The following TRERF1 variants were observed in gnomAD, a reference collection of about 807,000 sequenced individuals.
TRERF1 encodes transcriptional regulating factor 1, also known as transcriptional-regulating factor 1.
Under a neutral mutation model 122.9 loss-of-function variants are expected in TRERF1, and 27 were observed. That is an observed-to-expected ratio of 0.22 (90% CI 0.16 to 0.30). TRERF1 has a LOEUF of 0.30. Ranked by LOEUF, TRERF1 falls within the 10% of genes least tolerant of loss-of-function variation. The pLI is 1.00. For synonymous variants in TRERF1, 636 were observed against 641.7 expected (o/e 0.99, Z 0.13); for missense variants, 1,248 against 1,560.3 (o/e 0.80, Z 3.37).
chr6:42,245,926 G>A (rs1327139110), intron 14 of TRERF1, among the ~76,000 whole-genome samples: 1 of 152,124 alleles, frequency 6.6e-6, no homozygotes, highest in Admixed American at 6.5e-5. Flanking sequence ...TGGCCAACAT[G>A]GTAAAGCCCC....
At chr6:42,243,202 G>GA (rs397970844) in intron 15 of TRERF1, 46 bp downstream of exon 15, 47 of 1,527,518 alleles carry the variant, frequency 3.1e-5, no homozygotes, top group East Asian at 2.3e-4. Context: ...TGGGCCTGGG[G>GA]TGGGAGCTGT....
chr6:42,342,776 C>A (rs1367998373), intron 3 of TRERF1, among the ~76,000 whole-genome samples: 1 of 152,196 alleles, frequency 6.6e-6, no homozygotes, highest in Non-Finnish European at 1.5e-5. Flanking sequence ...CTTGAAGTTA[C>A]TAACATGTCT....
intron 2 of TRERF1, among the ~76,000 whole-genome samples, chr6:42,369,885 C>T (rs113924356): frequency 2.6e-5 from 4 of 152,024 alleles, no homozygotes; most frequent in African/African-American, 9.7e-5. Flanking sequence ...CCGTCTCCTC[C>T]TTCTCTAACT....
In TRERF1 at chr6:42,392,366, T is replaced by C. The variant is rs536807260; in HGVS notation, c.-453-29287A>G. On this transcript the variant is annotated intron_variant, in intron 2 of 17. Coordinates refer to ENST00000372922, the Ensembl canonical transcript of TRERF1. ...ATTCTTTATGTGACTGGAGTGATCA[T>C]TAAACAAGAAAATGATCATAAGAGC... Among the ~76,000 whole-genome samples the C allele has an allele frequency of 5.2e-4, 79 of 152,286 alleles. 2 individuals carry two copies. Among genetic ancestry groups the C allele is most frequent in the African/African-American group, 1.3e-3 (56 of 41,546 alleles).
At chr6:42,313,859 A>G (rs550142491) in intron 3 of TRERF1, among the ~76,000 whole-genome samples, 165 of 152,142 alleles carry the variant, frequency 1.1e-3, no homozygotes, top group African/African-American at 3.8e-3. Flanking sequence ...GGTGCTGCAG[A>G]CTCACTTCTA....
At position 42,234,492 on chromosome 6, in the gene TRERF1, C is replaced by G. The variant is rs1467827535; in HGVS notation, c.3067-1600G>C. 2.6e-5 allele frequency among the ~76,000 whole-genome samples: 4 copies of G among 152,206 alleles called. No individual in the cohort carries two copies. In the South Asian group the frequency reaches 8.3e-4, roughly 32 times the overall value. ...AGCTGGGACTACAGGCGCGCACCACCACGCCCAGGTAAGTTTTGTATTTTT... is the reference window on the plus strand; with the variant it reads ...AGCTGGGACTACAGGCGCGCACCACGACGCCCAGGTAAGTTTTGTATTTTT... On this transcript the variant is annotated intron_variant, in intron 16 of 17. Coordinates refer to ENST00000372922, the Ensembl canonical transcript of TRERF1.
chr6:42,331,791 A>G (rs1037042649), intron 3 of TRERF1, among the ~76,000 whole-genome samples: 4 of 152,180 alleles, frequency 2.6e-5, no homozygotes, highest in African/African-American at 9.7e-5. Context: ...CAGCGCTGCC[A>G]GGGGCACACA....
chr6:42,357,967 A>G (rs926901828), intron 3 of TRERF1, among the ~76,000 whole-genome samples: 2 of 152,160 alleles, frequency 1.3e-5, no homozygotes, highest in Non-Finnish European at 1.5e-5. Context: ...AAGTACTAAC[A>G]CCAGCAAGTG....
chr6:42,297,205 T>C (rs537094086), intron 4 of TRERF1, among the ~76,000 whole-genome samples: 2 of 152,312 alleles, frequency 1.3e-5, no homozygotes, highest in East Asian at 3.9e-4. Flanking sequence ...GAAAAAGATA[T>C]ACTTTTGGCA....
intron 15 of TRERF1, among the ~76,000 whole-genome samples, chr6:42,241,895 G>C (rs1773802668): frequency 6.6e-6 from 1 of 152,206 alleles, no homozygotes; most frequent in African/African-American, 2.4e-5. Flanking sequence ...AGGAGTCTGA[G>C]AACAGCCTGG....
intron 4 of TRERF1, among the ~76,000 whole-genome samples, chr6:42,271,218 A>G (rs1186097922): frequency 6.6e-6 from 1 of 151,114 alleles, no homozygotes; most frequent in Admixed American, 6.6e-5. Flanking sequence ...TTCAATTTCT[A>G]CATCCTCAAC....
intron 2 of TRERF1, among the ~76,000 whole-genome samples, chr6:42,399,203 A>T (rs1488659462): frequency 1.3e-5 from 2 of 152,146 alleles, no homozygotes; most frequent in African/African-American, 2.4e-5. Flanking sequence ...AATGTACAGA[A>T]TTTTTTTTAA....
rs1784736048 is a variant in TRERF1 at position 42,433,116 on chromosome 6, G to A, written c.-454+18061C>T. 1.3e-5 allele frequency among the ~76,000 whole-genome samples: 2 copies of A among 152,268 alleles called. 1 individual carries two copies. The highest frequency in any genetic ancestry group is 3.9e-4 in the East Asian group (2 of 5,178). The stretch of plus-strand genomic sequence containing the variant: ...CTCCTAGAGGAAAGGGAGGTGCAGT[G>A]AGGTGAGCCATGTATTAGTAGCTAC... On this transcript the variant is annotated intron_variant, in intron 2 of 17. Transcript: ENST00000372922.
At chr6:42,428,164 C>G (rs553407068) in intron 2 of TRERF1, among the ~76,000 whole-genome samples, 1 of 152,268 alleles carries the variant, frequency 6.6e-6, no homozygotes, top group South Asian at 2.1e-4. Context: ...AAGCTACAGG[C>G]CCAGACTGAC....
chr6:42,374,643 A>G (rs1319007288), intron 2 of TRERF1, among the ~76,000 whole-genome samples: 1 of 152,166 alleles, frequency 6.6e-6, no homozygotes, highest in African/African-American at 2.4e-5. Flanking sequence ...TGGGGCTGAG[A>G]GGACAGCCCG....
chr6:42,282,746 T>A (rs979266264), intron 4 of TRERF1, among the ~76,000 whole-genome samples: 1 of 152,178 alleles, frequency 6.6e-6, no homozygotes, highest in Non-Finnish European at 1.5e-5. Context: ...ATATAGATAG[T>A]TGATTTTTGT....
At chr6:42,279,369 C>T (rs1781871937) in intron 4 of TRERF1, among the ~76,000 whole-genome samples, 1 of 152,170 alleles carries the variant, frequency 6.6e-6, no homozygotes, top group Non-Finnish European at 1.5e-5. Flanking sequence ...ATCCCTGGCC[C>T]TGCAGCTGTC....
intron 2 of TRERF1, among the ~76,000 whole-genome samples, chr6:42,392,818 C>G (rs1038837791): frequency 2.0e-5 from 3 of 152,112 alleles, no homozygotes; most frequent in Non-Finnish European, 4.4e-5. Flanking sequence ...CCTATAAATT[C>G]AAACTCAAGA....
In TRERF1 at chr6:42,408,210, AATAT is replaced by A. The variant is rs34821629; in HGVS notation, c.-454+42963_-454+42966del. On this transcript the variant is annotated intron_variant, in intron 2 of 17. Coordinates refer to ENST00000372922, the Ensembl canonical transcript of TRERF1. ...TTCCATTAACTTCGCTATATAAATA[AATAT>A]ATATATATATATATGTGTGTGTGTA... Among the ~76,000 whole-genome samples the A allele has an allele frequency of 3.7e-3, 394 of 107,136 alleles. 10 individuals are homozygous for A. The highest frequency in any genetic ancestry group is 0.014 in the African/African-American group (368 of 26,848). The allele number at this position is 107,136 out of a possible 152,430, so 70.3% of individuals were successfully genotyped here. A position where few individuals can be genotyped will look rare whatever the true frequency, so the allele number is the denominator to read the frequency against.
Sources: allele counts gnomAD v4.1 joint callset (sites outside exome capture counted in the v4.1 genomes callset), GRCh38; gene constraint gnomAD v4.1.1; transcripts MANE v1.5; gene names NCBI Gene and HGNC (gene_info 2026-07-23, HGNC 2026-07-21).